C19orf38: variants seen among roughly 807,000 people sequenced by gnomAD.
C19orf38 encodes the protein protein HIDE1.
A neutral mutation model predicts 26.6 loss-of-function variants in C19orf38; 14 were observed. That is an observed-to-expected ratio of 0.53 (90% CI 0.35 to 0.82). C19orf38 has a LOEUF of 0.82. C19orf38 is among the 40% of genes least tolerant of loss of function. The pLI, the probability that C19orf38 is intolerant of heterozygous loss-of-function variation, is 0.01. For synonymous variants in C19orf38, 132 were observed against 128.5 expected, an observed-to-expected ratio of 1.03 and a Z score of -0.18; for missense variants, 261 against 299.5, an observed-to-expected ratio of 0.87 and a Z score of 0.95.
chr19:10,861,506 C>G (rs1007802224), intron 5 of C19orf38, among the ~76,000 whole-genome samples: 1 of 152,224 alleles, frequency 6.6e-6, no homozygotes, highest in East Asian at 1.9e-4. Flanking sequence ...AGCCCATTCT[C>G]CAATGGGAAA....
At chr19:10,852,787 T>G (rs147005770) in intron 2 of C19orf38, among the ~76,000 whole-genome samples, 439 of 152,178 alleles carry the variant, frequency 2.9e-3, no homozygotes, top group African/African-American at 0.01. Context: ...TTCGATCTTT[T>G]CACCTGAGTG....
intron 6 of C19orf38, among the ~76,000 whole-genome samples, chr19:10,868,613 A>G (rs2073774827): frequency 6.6e-6 from 1 of 152,144 alleles, no homozygotes; most frequent in Admixed American, 6.5e-5. Context: ...TCCTGGGTTC[A>G]GGTGATTCTC....
Position 10,869,556 on chromosome 19 carries a change from T to A in C19orf38, c.*189T>A. The A allele has an allele frequency of 1.3e-6, 1 of 791,504 alleles. No homozygotes were observed. Among genetic ancestry groups the A allele is most frequent in the Non-Finnish European group, 1.9e-6 (1 of 530,306 alleles). The allele number at this position is 791,504 out of a possible 1,614,324, so 49.0% of individuals were successfully genotyped here. ...GGACACAGGCATGGGCCTGGCACTATACAGACAACAGGAAGTTCCCCTCTC... is the reference window on the plus strand; with the variant it reads ...GGACACAGGCATGGGCCTGGCACTAAACAGACAACAGGAAGTTCCCCTCTC... On this transcript the variant is annotated 3_prime_UTR_variant, in exon 7 of 7. Coordinates refer to ENST00000397820, the MANE Select transcript of C19orf38 (RefSeq NM_001136482.3).
chr19:10,847,437 G>T (rs895619750), upstream of C19orf38, among the ~76,000 whole-genome samples: 1 of 148,260 alleles, frequency 6.7e-6, no homozygotes, highest in Admixed American at 6.8e-5. Flanking sequence ...GCAATGGCGC[G>T]ATCTCAACTC....
At chr19:10,860,075 A>G (rs1344056014) in intron 5 of C19orf38, 117 bp downstream of exon 5, 2 of 1,059,646 alleles carry the variant, frequency 1.9e-6, no homozygotes, top group Non-Finnish European at 2.8e-6. Flanking sequence ...CTTTAGGGTC[A>G]AAACACACCC....
chr19:10,851,853 A>T (rs1182719952), intron 2 of C19orf38, among the ~76,000 whole-genome samples: 3 of 151,862 alleles, frequency 2.0e-5, no homozygotes, highest in African/African-American at 7.3e-5. Context: ...CTGTAGTCCC[A>T]GCTACTCGGG....
intron 3 of C19orf38, among the ~76,000 whole-genome samples, chr19:10,857,362 A>ATTTTTT (rs1304594112): frequency 2.9e-4 from 24 of 81,602 alleles, no homozygotes; most frequent in African/African-American, 2.3e-3. Context: ...ATATATATAT[A>ATTTTTT]TATATTTTTT....
chr19:10,842,919 C>T (rs1248153612), intron 1 of C19orf38, among the ~76,000 whole-genome samples: 3 of 152,190 alleles, frequency 2.0e-5, no homozygotes, highest in Non-Finnish European at 4.4e-5. Flanking sequence ...TATCTGCATT[C>T]GGCAGTTCTC....
At chr19:10,857,705 A>G (rs961697881) in intron 3 of C19orf38, among the ~76,000 whole-genome samples, 2 of 148,328 alleles carry the variant, frequency 1.3e-5, no homozygotes, top group Non-Finnish European at 3.0e-5. Context: ...ATATGGTGAA[A>G]CCCCATCTCT....
At position 10,869,441 on chromosome 19, in the gene C19orf38, G is replaced by C; in HGVS notation, c.*74G>C. 1 of 1,446,946 alleles carries C rather than the reference G, an allele frequency of 6.9e-7. No individual in the cohort carries two copies. Among genetic ancestry groups the C allele is most frequent in the Non-Finnish European group, 9.2e-7 (1 of 1,092,590 alleles). The allele number at this position is 1,446,946 out of a possible 1,614,324, so 89.6% of individuals were successfully genotyped here. On this transcript the variant is annotated 3_prime_UTR_variant, in exon 7 of 7. Coordinates refer to ENST00000397820, the MANE Select transcript of C19orf38 (RefSeq NM_001136482.3). ...GGTCCCTCCAGCTACTTCTGGGGGG[G>C]CTCTGTCAGCCACTTTCTCAGGGAA...
chr19:10,841,960 T>A, intron 1 of C19orf38: 1 of 1,609,642 alleles, frequency 6.2e-7, no homozygotes. Flanking sequence ...CCAAGTGCCA[T>A]CTTCAAAATT....
rs374016803 is a variant in C19orf38 at position 10,856,490 on chromosome 19, GTATTTATT to G, written c.433+146_433+153del. ...TTTGTTCATCACACCCCTTTTAAAAGTATTTATTTATTTATTTATTATTTTTCTTTTCA... is the reference window on the plus strand; with the variant it reads ...TTTGTTCATCACACCCCTTTTAAAAGTATTTATTTATTATTTTTCTTTTCA... On this transcript the variant is annotated intron_variant, in intron 3 of 6. Transcript: ENST00000397820. 783 of 524,692 alleles carry G rather than the reference GTATTTATT, an allele frequency of 1.5e-3. 7 individuals are homozygous for G. The highest frequency in any genetic ancestry group is 2.1e-3 in the Non-Finnish European group (670 of 313,586). 32.5% of individuals were successfully genotyped at this position (524,692 alleles called of 1,614,324 possible). A position where few individuals can be genotyped will look rare whatever the true frequency, so the allele number is the denominator to read the frequency against.
chr19:10,869,031 T>TAA (rs2073777855), intron 6 of C19orf38, among the ~76,000 whole-genome samples, 187 bp from the exon 7 acceptor site: 1 of 151,722 alleles, frequency 6.6e-6, no homozygotes, highest in East Asian at 1.9e-4. Flanking sequence ...GAATCCATGC[T>TAA]CTCTGGTCCC....
Position 10,839,279 on chromosome 19 carries a change from C to T in C19orf38, c.-69+2509C>T, listed in dbSNP as rs372818489. Among the ~76,000 whole-genome samples, 585 of 152,296 alleles carry T rather than the reference C, an allele frequency of 3.8e-3. 10 individuals carry two copies. In the Middle Eastern group the frequency reaches 0.041, roughly 11 times the overall value. ...AGATGGAGCCTCCGTGTTGGATATG[C>T]CTGGCTCCCAGGTAGCCATTTTCTG... On this transcript the variant is annotated intron_variant, in intron 1 of 7. Coordinates refer to the C19orf38 transcript ENST00000592854.
chr19:10,854,034 CAG>C (rs1350661620), intron 2 of C19orf38, among the ~76,000 whole-genome samples: 3 of 150,552 alleles, frequency 2.0e-5, no homozygotes, highest in Non-Finnish European at 3.0e-5. Context: ...GCCTGGGTGA[CAG>C]AGGGAGACCC....
intron 6 of C19orf38, among the ~76,000 whole-genome samples, chr19:10,867,605 G>A (rs765239073): frequency 2.9e-5 from 4 of 137,230 alleles, no homozygotes; most frequent in Non-Finnish European, 6.2e-5. Context: ...CAACAAGAGC[G>A]AAACTCCATC....
intron 1 of C19orf38, among the ~76,000 whole-genome samples, chr19:10,840,902 T>C (rs946012542): frequency 5.9e-5 from 9 of 152,254 alleles, no homozygotes; most frequent in Non-Finnish European, 1.0e-4. Context: ...CCTAAAGTGC[T>C]GGGATTACAG....
chr19:10,853,361 A>G (rs540117153), intron 2 of C19orf38, among the ~76,000 whole-genome samples: 1 of 151,770 alleles, frequency 6.6e-6, no homozygotes, highest in Admixed American at 6.6e-5. Context: ...CTCGAGTCTC[A>G]CTGCAACCTC....
Position 10,856,365 on chromosome 19 carries a change from C to T in C19orf38, c.433+8C>T. The stretch of plus-strand genomic sequence containing the variant: ...CCCTGGTGGTCAGAAAAGGTAACAG[C>T]ACGCAAAGCCTGGCACACAAGTTGC... On this transcript the variant is annotated splice_region_variant and intron_variant, in intron 3 of 6. Transcript: ENST00000397820. 1 of 1,549,162 alleles carries T rather than the reference C, an allele frequency of 6.5e-7. No individual in the cohort carries two copies.
Sources: gnomAD v4.1 joint callset for allele counts (sites outside exome capture counted in the v4.1 genomes callset) on GRCh38, gnomAD v4.1.1 for gene constraint, MANE v1.5 for transcripts, NCBI Gene and HGNC (gene_info 2026-07-23, HGNC 2026-07-21) for gene names.